The following GMPS variants were observed in gnomAD, a reference collection of about 807,000 sequenced individuals.
GMPS encodes the protein guanosine monophosphate synthase, also known as GMP synthase [glutamine-hydrolyzing].
GMPS carries 15 observed loss-of-function variants against 77.9 expected under a neutral mutation model. The ratio of observed to expected loss-of-function variants is 0.19; its 90% CI spans 0.13 to 0.30. The LOEUF (loss-of-function observed/expected upper bound fraction) is 0.30. Ranked by LOEUF, GMPS falls within the 10% of genes least tolerant of loss-of-function variation. The pLI is 1.00. For missense variants in GMPS, 590 were observed against 838.8 expected, an observed-to-expected ratio of 0.70 and a Z score of 3.66; for synonymous variants, 224 against 275.9, an observed-to-expected ratio of 0.81 and a Z score of 1.86.
At chr3:155,879,730 C>CTTT (rs58045835) in intron 1 of GMPS, among the ~76,000 whole-genome samples, 40,515 of 107,200 alleles carry the variant, frequency 0.38, 10,037 homozygotes, top group Non-Finnish European at 0.5. Context: ...CTTTTTTGCC[C>CTTT]TTTTTTTTTT....
In GMPS at chr3:155,870,657, G is replaced by C. The variant is rs1753879893; in HGVS notation, c.-214G>C. ...GAAGCAGGAGGCGGGGGCAGCGTGCGCGCTGCTGGTCTTCTCTCCCGCGGC... is the reference window on the plus strand; with the variant it reads ...GAAGCAGGAGGCGGGGGCAGCGTGCCCGCTGCTGGTCTTCTCTCCCGCGGC... On this transcript the variant is annotated 5_prime_UTR_variant, in exon 1 of 16. Coordinates refer to ENST00000496455, the MANE Select transcript of GMPS (RefSeq NM_003875.3). The C allele has an allele frequency of 2.1e-6, 1 of 476,890 alleles. No individual in the cohort carries two copies. The highest frequency in any genetic ancestry group is 2.0e-5 in the African/African-American group (1 of 48,884). 29.5% of individuals were successfully genotyped at this position (476,890 alleles called of 1,614,324 possible).
chr3:155,928,169 G>A (rs1193605850), intron 12 of GMPS, among the ~76,000 whole-genome samples: 1 of 151,818 alleles, frequency 6.6e-6, no homozygotes, highest in African/African-American at 2.4e-5. Flanking sequence ...TGGGGTTACA[G>A]GCACACGCCG....
At chr3:155,903,012 A>G (rs1022454139) in intron 3 of GMPS, among the ~76,000 whole-genome samples, 62 of 152,318 alleles carry the variant, frequency 4.1e-4, no homozygotes, top group African/African-American at 1.5e-3. Flanking sequence ...TTTGAAGAAT[A>G]TGCTACTCTG....
At chr3:155,930,604 C>T (rs1470924570) in intron 12 of GMPS, among the ~76,000 whole-genome samples, 1 of 152,118 alleles carries the variant, frequency 6.6e-6, no homozygotes, top group African/African-American at 2.4e-5. Flanking sequence ...TTTTCGCAAC[C>T]TACTTATCTG....
chr3:155,891,898 G>A (rs1754480373), intron 1 of GMPS, among the ~76,000 whole-genome samples: 1 of 152,090 alleles, frequency 6.6e-6, no homozygotes, highest in South Asian at 2.1e-4. Flanking sequence ...GAGCCACCAT[G>A]CCTGAACGCT....
intron 1 of GMPS, among the ~76,000 whole-genome samples, chr3:155,882,525 A>G (rs1754234344): frequency 6.6e-6 from 1 of 152,230 alleles, no homozygotes; most frequent in Non-Finnish European, 1.5e-5. Context: ...TGGTTTTAAT[A>G]GCCACCGTTC....
chr3:155,875,820 G>GA (rs1349628882), intron 1 of GMPS, among the ~76,000 whole-genome samples: 2 of 152,044 alleles, frequency 1.3e-5, no homozygotes, highest in African/African-American at 4.8e-5. Flanking sequence ...CAGTCAATTG[G>GA]TTTTCTTGTT....
intron 9 of GMPS, among the ~76,000 whole-genome samples, chr3:155,918,852 T>C (rs980784798): frequency 3.3e-5 from 5 of 152,230 alleles, no homozygotes; most frequent in African/African-American, 1.2e-4. Context: ...CTTGCAAATG[T>C]CTTCTCTAGT....
intron 1 of GMPS, among the ~76,000 whole-genome samples, chr3:155,879,639 C>G (rs527749903): frequency 1.2e-4 from 18 of 152,058 alleles, no homozygotes; most frequent in African/African-American, 3.9e-4. Context: ...ATTTGCATTT[C>G]CCTAATGACT....
intron 13 of GMPS, among the ~76,000 whole-genome samples, chr3:155,932,163 T>A (rs1755639877): frequency 6.6e-6 from 1 of 152,152 alleles, no homozygotes; most frequent in Admixed American, 6.5e-5. Flanking sequence ...TAAAGGCAGC[T>A]GTAAAACATC....
At chr3:155,936,246 G>A (rs1755763096) in intron 14 of GMPS, 92 bp from the exon 15 acceptor site, 1 of 781,788 alleles carries the variant, frequency 1.3e-6, no homozygotes, top group Admixed American at 1.9e-5. Context: ...GTGTATATGT[G>A]ATTTCAGATA....
intron 1 of GMPS, among the ~76,000 whole-genome samples, chr3:155,887,673 C>G (rs1375089677): frequency 5.9e-5 from 9 of 152,118 alleles, no homozygotes; most frequent in Non-Finnish European, 1.5e-5. Flanking sequence ...AGATAATTAT[C>G]AATGTTAACT....
intron 15 of GMPS, among the ~76,000 whole-genome samples, chr3:155,937,208 T>C (rs1467498479): frequency 2.0e-5 from 3 of 152,234 alleles, no homozygotes; most frequent in Non-Finnish European, 4.4e-5. Flanking sequence ...GAGTTGTATG[T>C]TTAAGCTGCA....
chr3:155,908,909 G>A (rs942987675), intron 5 of GMPS, among the ~76,000 whole-genome samples: 3 of 152,134 alleles, frequency 2.0e-5, no homozygotes, highest in African/African-American at 7.2e-5. Flanking sequence ...AAGGTGATGA[G>A]AGTATGAGAT....
intron 1 of GMPS, among the ~76,000 whole-genome samples, chr3:155,882,809 A>G (rs551603502): frequency 3.3e-5 from 5 of 152,190 alleles, no homozygotes; most frequent in Non-Finnish European, 7.4e-5. Context: ...TTCACTAACT[A>G]TGTGGTTACC....
At chr3:155,924,505 T>C (rs940677934) in intron 11 of GMPS, among the ~76,000 whole-genome samples, 4 of 152,116 alleles carry the variant, frequency 2.6e-5, no homozygotes, top group Admixed American at 2.6e-4. Flanking sequence ...CTTTTAAGTA[T>C]CCTTGTTAAC....
intron 13 of GMPS, among the ~76,000 whole-genome samples, chr3:155,933,606 T>C (rs1755685984): frequency 6.6e-6 from 1 of 152,256 alleles, no homozygotes. Context: ...GTGATACCGG[T>C]GGTTTTGTGC....
intron 5 of GMPS, among the ~76,000 whole-genome samples, chr3:155,909,865 C>T (rs1238654685): frequency 1.4e-5 from 2 of 146,206 alleles, no homozygotes; most frequent in East Asian, 2.0e-4. Context: ...TCACTTGAGC[C>T]CAGGAGATCG....
At chr3:155,937,474 ACATG>A in intron 15 of GMPS, 113 bp from the exon 16 acceptor site, 1 of 627,876 alleles carries the variant, frequency 1.6e-6, no homozygotes, top group East Asian at 2.7e-5. Flanking sequence ...CATCCCATAT[ACATG>A]GAGGACAATA....
Sources: allele counts gnomAD v4.1 joint callset (sites outside exome capture counted in the v4.1 genomes callset), GRCh38; gene constraint gnomAD v4.1.1; transcripts MANE v1.5; gene names NCBI Gene and HGNC (gene_info 2026-07-23, HGNC 2026-07-21).